The following IQSEC1 variants were observed in gnomAD, a reference collection of about 807,000 sequenced individuals.
IQSEC1 encodes IQ motif and SEC7 domain-containing protein 1.
A neutral mutation model predicts 91.0 loss-of-function variants in IQSEC1; 31 were observed. That is an observed-to-expected ratio of 0.34 (90% CI 0.26 to 0.46). IQSEC1 has a LOEUF of 0.46. IQSEC1 is among the 20% of genes least tolerant of loss of function. The pLI is 1.00. For synonymous variants in IQSEC1, 699 were observed against 662.6 expected, an observed-to-expected ratio of 1.05 and a Z score of -0.84; for missense variants, 1,388 against 1,575.6, an observed-to-expected ratio of 0.88 and a Z score of 2.02.
chr3:13,070,494 G>T lies in IQSEC1; in HGVS notation c.23+2498C>A, dbSNP rs1004679110. 3.9e-5 allele frequency among the ~76,000 whole-genome samples: 6 copies of T among 152,180 alleles called. No individual in the cohort carries two copies. In the East Asian group the frequency reaches 5.8e-4, roughly 15 times the overall value. ...CACTGAAAGGCAGGGTAACAATAAG[G>T]TCTGAGCAGCAGGTGCTGGGAGAGC... is the stretch of plus-strand genomic sequence containing the variant. On this transcript the variant is annotated intron_variant, in intron 1 of 13. Coordinates refer to ENST00000613206, the MANE Select transcript of IQSEC1 (RefSeq NM_001134382.3).
At chr3:13,269,253 TG>T (rs1488641849) in intron 1 of IQSEC1, among the ~76,000 whole-genome samples, 1 of 152,256 alleles carries the variant, frequency 6.6e-6, no homozygotes, top group African/African-American at 2.4e-5. Flanking sequence ...GGAGCGAGGC[TG>T]CTTGGGTGTC....
chr3:13,118,095 A>G (rs1176264302), intron 2 of IQSEC1, among the ~76,000 whole-genome samples: 1 of 152,144 alleles, frequency 6.6e-6, no homozygotes, highest in Non-Finnish European at 1.5e-5. Context: ...AAATAGCGAG[A>G]AGGAGGCTAT....
At chr3:13,260,374 C>T (rs1576313989) in intron 1 of IQSEC1, among the ~76,000 whole-genome samples, 2 of 152,186 alleles carry the variant, frequency 1.3e-5, no homozygotes, top group African/African-American at 2.4e-5. Context: ...GATGCAGAAA[C>T]GCAGATCAAT....
intron 1 of IQSEC1, among the ~76,000 whole-genome samples, chr3:12,973,465 T>C (rs1701005601): frequency 6.6e-6 from 1 of 152,156 alleles, no homozygotes; most frequent in Non-Finnish European, 1.5e-5. Context: ...ACCTCGACGG[T>C]AGGGAACATT....
At chr3:12,920,398 CTG>C (rs780827486) in intron 6 of IQSEC1, 30 bp downstream of exon 6, 1 of 1,607,936 alleles carries the variant, frequency 6.2e-7, no homozygotes. Context: ...TGGAGCAAAT[CTG>C]TGGCTGGCCG....
rs575947374 is a variant in IQSEC1 at position 13,017,601 on chromosome 3, G to C, written c.23+55391C>G. ...GCTGTGGGACAGTGCTCCTCACAGG[G>C]TGGGCGCTAGCTGGCTGGATGTGGG... On this transcript the variant is annotated intron_variant, in intron 1 of 13. Coordinates refer to ENST00000613206, the MANE Select transcript of IQSEC1 (RefSeq NM_001134382.3). 6.6e-5 allele frequency among the ~76,000 whole-genome samples: 10 copies of C among 152,304 alleles called. No homozygotes were observed. In the East Asian group the frequency reaches 1.7e-3, roughly 26 times the overall value.
chr3:13,067,312 G>C (rs1247493543), intron 1 of IQSEC1, among the ~76,000 whole-genome samples: 1 of 152,186 alleles, frequency 6.6e-6, no homozygotes, highest in Non-Finnish European at 1.5e-5. Context: ...AAAGCAGCAG[G>C]CTCTAAGGTA....
chr3:12,913,266 A>G (rs1313240237), intron 9 of IQSEC1, among the ~76,000 whole-genome samples, 162 bp downstream of exon 9: 3 of 152,356 alleles, frequency 2.0e-5, no homozygotes, highest in Non-Finnish European at 2.9e-5. Context: ...GCATGAGCCA[A>G]TGAAGTCTGT....
intron 2 of IQSEC1, among the ~76,000 whole-genome samples, chr3:13,154,518 T>C (rs1303889173): frequency 7.3e-6 from 1 of 136,950 alleles, no homozygotes; most frequent in Admixed American, 7.8e-5. Context: ...CGTTATTCAT[T>C]AGACAGTTAC....
Position 13,257,162 on chromosome 3 carries a change from T to A in IQSEC1, c.272+25549A>T, listed in dbSNP as rs76529622. Among the ~76,000 whole-genome samples the A allele has an allele frequency of 6.0e-3, 919 of 152,164 alleles. 12 individuals carry two copies. Among genetic ancestry groups the A allele is most frequent in the African/African-American group, 0.021 (882 of 41,514 alleles). On this transcript the variant is annotated intron_variant, in intron 1 of 15. Transcript: ENST00000648114. ...GGCAGCACTTCAGTCCAATCAAGAC[T>A]ACAAGGGAGTCAGGATGGCACAGAG...
At chr3:13,106,847 C>T (rs1000316007) in intron 2 of IQSEC1, among the ~76,000 whole-genome samples, 1 of 152,160 alleles carries the variant, frequency 6.6e-6, no homozygotes, top group East Asian at 1.9e-4. Context: ...ACCTTAAAAT[C>T]GTTAACATAC....
At chr3:13,003,188 A>G (rs1274413525) in intron 1 of IQSEC1, among the ~76,000 whole-genome samples, 6 of 151,034 alleles carry the variant, frequency 4.0e-5, no homozygotes, top group Admixed American at 6.7e-5. Context: ...GCTCATGCCC[A>G]ACATTTTGGG....
chr3:12,993,357 C>G (rs1440115260), intron 1 of IQSEC1, among the ~76,000 whole-genome samples: 1 of 152,028 alleles, frequency 6.6e-6, no homozygotes, highest in Non-Finnish European at 1.5e-5. Context: ...AAGGCGCGTC[C>G]GTGTGGCTCC....
intron 1 of IQSEC1, among the ~76,000 whole-genome samples, chr3:12,989,225 GCT>G (rs1464139485): frequency 2.0e-5 from 3 of 152,200 alleles, no homozygotes; most frequent in Non-Finnish European, 4.4e-5. Flanking sequence ...GGTCTCTTTT[GCT>G]CCAGTGGTAA....
At chr3:13,006,800 T>C (rs1356024596) in intron 1 of IQSEC1, among the ~76,000 whole-genome samples, 1 of 152,156 alleles carries the variant, frequency 6.6e-6, no homozygotes, top group East Asian at 1.9e-4. Flanking sequence ...CATGGGCCGC[T>C]GGGGAACTCT....
chr3:13,154,669 C>A (rs147635730), intron 2 of IQSEC1, among the ~76,000 whole-genome samples: 1 of 150,584 alleles, frequency 6.6e-6, no homozygotes, highest in Non-Finnish European at 1.5e-5. Flanking sequence ...CTCAACAGAA[C>A]GCAGAGTCCT....
At chr3:13,197,286 C>G (rs900311726) in intron 1 of IQSEC1, among the ~76,000 whole-genome samples, 1 of 152,228 alleles carries the variant, frequency 6.6e-6, no homozygotes, top group East Asian at 1.9e-4. Context: ...CCCCCAAGCG[C>G]CCACAACAGC....
intron 1 of IQSEC1, among the ~76,000 whole-genome samples, chr3:13,052,581 G>A (rs1313353452): frequency 2.0e-5 from 3 of 152,216 alleles, no homozygotes; most frequent in East Asian, 1.9e-4. Flanking sequence ...ATGGTAGGTC[G>A]TATGGTGTGT....
chr3:12,960,548 A>C (rs1032633105), intron 1 of IQSEC1: 2 of 152,162 alleles, frequency 1.3e-5, no homozygotes, highest in African/African-American at 4.8e-5. Flanking sequence ...CAGGGAGGGG[A>C]AAGAGGGTCC....
Sources: gnomAD v4.1 joint callset for allele counts (sites outside exome capture counted in the v4.1 genomes callset) on GRCh38, gnomAD v4.1.1 for gene constraint, MANE v1.5 for transcripts, NCBI Gene and HGNC (gene_info 2026-07-23, HGNC 2026-07-21) for gene names.